The following WT1 variants were observed in gnomAD, a reference collection of about 807,000 sequenced individuals.
WT1 encodes the protein Wilms tumor protein.
Under a neutral mutation model 60.8 loss-of-function variants are expected in WT1, and 8 were observed. That is an observed-to-expected ratio of 0.13 (90% CI 0.08 to 0.24). The LOEUF is 0.24. Ranked by LOEUF, WT1 falls within the 10% of genes least tolerant of loss-of-function variation. The probability of loss-of-function intolerance (pLI) is 1.00; values close to 1 mark genes in which losing one functional copy is unlikely to be tolerated. For missense variants in WT1, 568 were observed against 711.8 expected (o/e 0.80, Z 2.30); for synonymous variants, 312 against 297.1 (o/e 1.05, Z -0.52).
At chr11:32,430,911 C>A in intron 1 of WT1, 2 of 1,093,150 alleles carry the variant, frequency 1.8e-6, no homozygotes, top group Non-Finnish European at 2.2e-6. Context: ...TGGCCTGGCG[C>A]GGAGAGTGCG....
At chr11:32,396,456 A>C in intron 6 of WT1, 49 bp from the exon 7 acceptor site, 1 of 1,608,106 alleles carries the variant, frequency 6.2e-7, no homozygotes, top group Non-Finnish European at 8.5e-7. Context: ...ACATGTGAAC[A>C]TTCACGTAGG....
intron 3 of WT1, among the ~76,000 whole-genome samples, chr11:32,420,625 A>T (rs537226750): frequency 6.6e-6 from 1 of 151,844 alleles, no homozygotes; most frequent in African/African-American, 2.4e-5. Flanking sequence ...CCCCACCCTC[A>T]CTCTGCCCTG....
At chr11:32,431,227 A>G (rs2133089249) in intron 1 of WT1, among the ~76,000 whole-genome samples, 1 of 152,290 alleles carries the variant, frequency 6.6e-6, no homozygotes, top group Admixed American at 6.5e-5. Flanking sequence ...GCTGAAAACG[A>G]TGACTGCAGC....
chr11:32,398,587 G>A (rs1279126159), intron 6 of WT1, among the ~76,000 whole-genome samples: 1 of 152,144 alleles, frequency 6.6e-6, no homozygotes, highest in Non-Finnish European at 1.5e-5. Context: ...GGTATAAACA[G>A]GGGGTCTGAA....
At chr11:32,410,800 T>C (rs1852473626) in intron 5 of WT1, among the ~76,000 whole-genome samples, 2 of 152,210 alleles carry the variant, frequency 1.3e-5, no homozygotes, top group African/African-American at 4.8e-5. Flanking sequence ...AATAAACTTG[T>C]TCGCTTTTAA....
intron 5 of WT1, among the ~76,000 whole-genome samples, chr11:32,403,348 G>C (rs544500388): frequency 6.6e-6 from 1 of 151,898 alleles, no homozygotes; most frequent in African/African-American, 2.4e-5. Flanking sequence ...AAAGCAACTC[G>C]GTCTGGGAAC....
chr11:32,423,493 T>C (rs1016144045), intron 3 of WT1, among the ~76,000 whole-genome samples: 3 of 152,220 alleles, frequency 2.0e-5, no homozygotes, highest in East Asian at 1.9e-4. Context: ...GTAAAACTAA[T>C]GGATAACTGA....
chr11:32,427,757 A>G (rs983830924), intron 3 of WT1, among the ~76,000 whole-genome samples, 199 bp downstream of exon 3: 3 of 152,234 alleles, frequency 2.0e-5, no homozygotes, highest in Admixed American at 6.5e-5. Flanking sequence ...TTTTTATACA[A>G]CATAAGAACA....
intron 5 of WT1, chr11:32,400,333 G>C: frequency 2.0e-6 from 1 of 493,014 alleles, no homozygotes. Flanking sequence ...ACAGTGGCAG[G>C]GTTTCATCCT....
intron 5 of WT1, chr11:32,400,521 G>A: frequency 3.4e-6 from 1 of 291,400 alleles, no homozygotes. Context: ...GTCCTCAGAA[G>A]TGGGGATTAC....
intron 5 of WT1, 47 bp downstream of exon 5, chr11:32,416,443 G>A (rs2133031948): frequency 6.2e-7 from 1 of 1,613,106 alleles, no homozygotes; most frequent in Non-Finnish European, 8.5e-7. Flanking sequence ...GTGCCAGTCA[G>A]CAAGGCCTAC....
intron 3 of WT1, among the ~76,000 whole-genome samples, chr11:32,421,069 C>T (rs147920357): frequency 2.2e-4 from 33 of 152,290 alleles, no homozygotes; most frequent in African/African-American, 7.7e-4. Context: ...CTGGCTGGCA[C>T]GGCCTTTCAA....
chr11:32,400,493 C>T (rs777187709), intron 5 of WT1: 30 of 318,060 alleles, frequency 9.4e-5, no homozygotes, highest in Non-Finnish European at 1.7e-4. Flanking sequence ...AAAGTGATGA[C>T]GCAAGAAGAG....
chr11:32,420,311 T>C (rs1408385455), intron 3 of WT1, among the ~76,000 whole-genome samples: 1 of 152,196 alleles, frequency 6.6e-6, no homozygotes, highest in Non-Finnish European at 1.5e-5. Flanking sequence ...ATTGAGCAAA[T>C]CAGTTCAGCT....
At chr11:32,400,880 C>A (rs975664852) in intron 5 of WT1, among the ~76,000 whole-genome samples, 9 of 152,216 alleles carry the variant, frequency 5.9e-5, no homozygotes, top group Admixed American at 4.6e-4. Context: ...CACCTAGAAG[C>A]ACCGAGGAGA....
At chr11:32,409,159 T>A (rs1384511475) in intron 5 of WT1, among the ~76,000 whole-genome samples, 1 of 152,180 alleles carries the variant, frequency 6.6e-6, no homozygotes, top group Admixed American at 6.5e-5. Flanking sequence ...TGCCCCTAGA[T>A]CAACATAAAT....
intron 2 of WT1, 96 bp downstream of exon 2, chr11:32,428,401 C>T (rs748582544): frequency 6.3e-7 from 1 of 1,591,074 alleles, no homozygotes. Flanking sequence ...TAGATGTCCT[C>T]CTTTGCCTAA....
intron 5 of WT1, among the ~76,000 whole-genome samples, chr11:32,401,678 T>G (rs180891675): frequency 9.7e-4 from 147 of 152,206 alleles, no homozygotes; most frequent in African/African-American, 3.3e-3. Context: ...TAGCTGGGAT[T>G]ACAGGCGCAC....
intron 9 of WT1, among the ~76,000 whole-genome samples, chr11:32,390,692 C>T (rs553256878): frequency 6.6e-6 from 1 of 152,294 alleles, no homozygotes; most frequent in South Asian, 2.1e-4. Flanking sequence ...GGACTAATCC[C>T]AACCCTGTCT....
Sources: allele counts gnomAD v4.1 joint callset (sites outside exome capture counted in the v4.1 genomes callset), GRCh38; gene constraint gnomAD v4.1.1; transcripts MANE v1.5; gene names NCBI Gene and HGNC (gene_info 2026-07-23, HGNC 2026-07-21).